The following HLCS variants were observed in gnomAD, a reference collection of about 807,000 sequenced individuals.
HLCS encodes biotin--protein ligase.
A neutral mutation model predicts 75.0 loss-of-function variants in HLCS; 53 were observed. That is an observed-to-expected ratio of 0.71 (90% CI 0.57 to 0.89). The LOEUF (loss-of-function observed/expected upper bound fraction) is 0.89. HLCS is among the 40% of genes least tolerant of loss of function. The pLI is 0.00. For missense variants in HLCS, 966 were observed against 1,074.0 expected (o/e 0.90, Z 1.41); for synonymous variants, 431 against 428.6 (o/e 1.01, Z -0.07).
intron 6 of HLCS, among the ~76,000 whole-genome samples, chr21:36,792,897 G>T (rs2060912787): frequency 6.6e-6 from 1 of 152,120 alleles, no homozygotes; most frequent in African/African-American, 2.4e-5. Flanking sequence ...AGTGACTCAT[G>T]GTGAGGACAG....
intron 5 of HLCS, among the ~76,000 whole-genome samples, chr21:36,904,487 AC>A (rs1473598285): frequency 6.6e-6 from 1 of 152,220 alleles, no homozygotes; most frequent in Non-Finnish European, 1.5e-5. Flanking sequence ...ATTACTCAGA[AC>A]AAAGAGAATC....
At chr21:36,876,051 A>G (rs1480397087) in intron 6 of HLCS, among the ~76,000 whole-genome samples, 1 of 151,998 alleles carries the variant, frequency 6.6e-6, no homozygotes, top group Non-Finnish European at 1.5e-5. Flanking sequence ...GTGCCAGGGC[A>G]TGGAGCTGCC....
intron 2 of HLCS, among the ~76,000 whole-genome samples, chr21:36,942,398 CAAAAAAAAAAAAAA>C (rs55999516): frequency 1.2e-5 from 1 of 80,934 alleles, no homozygotes; most frequent in Non-Finnish European, 2.4e-5. Context: ...GACTCCGTCT[CAAAAAAAAAAAAAA>C]AAAAAAAAAA....
At chr21:36,794,324 A>C (rs1423042598) in intron 6 of HLCS, among the ~76,000 whole-genome samples, 1 of 152,252 alleles carries the variant, frequency 6.6e-6, no homozygotes, top group Admixed American at 6.5e-5. Context: ...TAAGGGGTAC[A>C]AGGAAGGACA....
upstream of HLCS, among the ~76,000 whole-genome samples, chr21:36,966,859 G>A (rs1225618757): frequency 6.7e-6 from 1 of 149,698 alleles, no homozygotes; most frequent in Non-Finnish European, 1.5e-5. Context: ...GTGATGGGGA[G>A]CTCCGGAGGC....
chr21:36,953,244 G>A (rs2067756250), intron 2 of HLCS, among the ~76,000 whole-genome samples: 2 of 152,244 alleles, frequency 1.3e-5, no homozygotes, highest in South Asian at 2.1e-4. Context: ...CCACAGGCGG[G>A]AGCCACCATG....
chr21:36,897,775 T>C (rs2065072026), intron 5 of HLCS, among the ~76,000 whole-genome samples: 1 of 152,104 alleles, frequency 6.6e-6, no homozygotes, highest in Non-Finnish European at 1.5e-5. Context: ...AGAAGAGACG[T>C]TGTCCAATCC....
Position 36,868,658 on chromosome 21 carries a change from T to TA in HLCS, c.1892+28201dup, listed in dbSNP as rs749174013. Among the ~76,000 whole-genome samples the TA allele has an allele frequency of 9.7e-3, 1,406 of 145,564 alleles. 15 individuals are homozygous for TA. The highest frequency in any genetic ancestry group is 0.029 in the African/African-American group (1,140 of 39,660). ...ATGATGACCAAAATAAAAATAGTCA[T>TA]AAAAAAAAAAGGCGTCATGAGAACA... On this transcript the variant is annotated intron_variant, in intron 6 of 10. Transcript: ENST00000674895.
intron 2 of HLCS, 120 bp from the exon 3 acceptor site, chr21:36,939,114 TAACA>T: frequency 1.2e-6 from 1 of 866,716 alleles, no homozygotes; most frequent in Non-Finnish European, 1.7e-6. Context: ...CAGTCATTAA[TAACA>T]AATTACTGGA....
intron 6 of HLCS, among the ~76,000 whole-genome samples, chr21:36,887,301 A>G (rs537189026): frequency 1.3e-5 from 2 of 152,320 alleles, no homozygotes; most frequent in South Asian, 2.1e-4. Context: ...TGATGAAGAC[A>G]TCAACATCAA....
chr21:36,836,358 A>G (rs1005854208), intron 6 of HLCS, among the ~76,000 whole-genome samples: 1 of 151,856 alleles, frequency 6.6e-6, no homozygotes, highest in African/African-American at 2.4e-5. Context: ...CATGTGCACA[A>G]TGTGCAGGTT....
chr21:36,944,346 A>G (rs1410035282), intron 2 of HLCS, among the ~76,000 whole-genome samples: 1 of 152,172 alleles, frequency 6.6e-6, no homozygotes, highest in African/African-American at 2.4e-5. Context: ...TGTCAAAAAG[A>G]TTCGTGGCCC....
At chr21:36,781,247 G>A (rs950190970) in intron 6 of HLCS, among the ~76,000 whole-genome samples, 6 of 127,290 alleles carry the variant, frequency 4.7e-5, no homozygotes, top group South Asian at 2.6e-4. Context: ...ACAGGAGCGT[G>A]AAACTCTGTC....
Position 36,966,431 on chromosome 21 carries a change from CCGA to C in HLCS, c.195+10_195+12del. 3.6e-6 allele frequency: 3 copies of C among 843,130 alleles called. No individual in the cohort carries two copies. Among genetic ancestry groups the C allele is most frequent in the Non-Finnish European group, 2.9e-6 (2 of 700,480 alleles). The allele number at this position is 843,130 out of a possible 1,614,324, so 52.2% of individuals were successfully genotyped here. Reference sequence around the variant, plus strand: ...CGCGGGGCCCGGGTCGCCCGCCCGCCCGACCCGCCCACCTGGCTGTCGCTGACG... The same window carrying C: ...CGCGGGGCCCGGGTCGCCCGCCCGCCCCCGCCCACCTGGCTGTCGCTGACG... On this transcript the variant is annotated intron_variant, in intron 1 of 10. Transcript: ENST00000674895.
intron 2 of HLCS, among the ~76,000 whole-genome samples, chr21:36,954,410 C>A (rs1004410992): frequency 6.6e-6 from 1 of 151,542 alleles, no homozygotes; most frequent in African/African-American, 2.4e-5. Flanking sequence ...GTCAGGAGAT[C>A]GAGACCATCC....
rs2066584824 is a variant in HLCS, at chr21:36,930,389, T to C, written c.1482A>G (p.Pro494=). 9 of 1,614,180 alleles carry C rather than the reference T, an allele frequency of 5.6e-6. No individual in the cohort carries two copies. The East Asian group carries it at 1.3e-4, about 24-fold the overall frequency. The stretch of plus-strand genomic sequence containing the variant: ...TTGACTTGAGCAAGTTAAAATCTTC[T>C]GGAGTTTGCACTATGTTGGAGCTGG... ...LPPSSNIVQT[P]EDFNLLKSSN... is the part of the protein sequence containing the mutation. Residue 494 remains proline (P), a synonymous_variant, in exon 5 of 11, where the codon CCA becomes CCG. Coordinates refer to ENST00000674895, the MANE Select transcript of HLCS (RefSeq NM_001352514.2).
chr21:36,882,825 AC>A (rs1648353580), intron 6 of HLCS, among the ~76,000 whole-genome samples: 1 of 151,680 alleles, frequency 6.6e-6, no homozygotes, highest in African/African-American at 2.4e-5. Context: ...CCAATTTTAA[AC>A]TGAAAACTCT....
intron 6 of HLCS, among the ~76,000 whole-genome samples, chr21:36,888,069 T>TCCA (rs1216592350): frequency 6.6e-6 from 1 of 152,116 alleles, no homozygotes; most frequent in Non-Finnish European, 1.5e-5. Flanking sequence ...TCTAATCGCT[T>TCCA]CCACCTGTGT....
At chr21:36,771,214 C>T (rs959891015) in intron 6 of HLCS, among the ~76,000 whole-genome samples, 3 of 125,798 alleles carry the variant, frequency 2.4e-5, no homozygotes, top group African/African-American at 4.0e-5. Context: ...AGCGAGACTC[C>T]GTCTCAAATA....
Sources: allele counts gnomAD v4.1 joint callset (sites outside exome capture counted in the v4.1 genomes callset), GRCh38; gene constraint gnomAD v4.1.1; transcripts MANE v1.5; gene names NCBI Gene and HGNC (gene_info 2026-07-23, HGNC 2026-07-21).